LAMA2: variants seen among roughly 807,000 people sequenced by gnomAD.
The protein encoded by LAMA2 is laminin subunit alpha 2.
A neutral mutation model predicts 364.8 loss-of-function variants in LAMA2; 269 were observed. The observed-to-expected ratio is 0.74, with a 90% CI of 0.67 to 0.82. LAMA2 has a LOEUF of 0.82. Ranked by LOEUF, LAMA2 falls within the 40% of genes least tolerant of loss-of-function variation. The pLI, the probability that LAMA2 is intolerant of heterozygous loss-of-function variation, is 0.00. For synonymous variants in LAMA2, 1,379 were observed against 1,370.6 expected, an observed-to-expected ratio of 1.01 and a Z score of -0.14; for missense variants, 3,807 against 3,873.2, an observed-to-expected ratio of 0.98 and a Z score of 0.45.
chr6:128,990,491 A>T (rs1047633528), intron 1 of LAMA2, among the ~76,000 whole-genome samples: 3 of 152,282 alleles, frequency 2.0e-5, no homozygotes, highest in African/African-American at 7.2e-5. Flanking sequence ...TCAACTCCCT[A>T]TTATAATGGA....
rs188355149 is a variant in LAMA2, at chr6:129,422,546, T to G, written c.5866-5206T>G. On this transcript the variant is annotated intron_variant, in intron 40 of 64. Coordinates refer to ENST00000421865, the MANE Select transcript of LAMA2 (RefSeq NM_000426.4). Reference sequence around the variant, plus strand: ...GTGAAATCACTACAACTTCTGCAGATAGTAAAGGATGTTAAGAGGATATTA... The same window carrying G: ...GTGAAATCACTACAACTTCTGCAGAGAGTAAAGGATGTTAAGAGGATATTA... Among the ~76,000 whole-genome samples, 73 of 152,234 alleles carry G rather than the reference T, an allele frequency of 4.8e-4. 3 individuals carry two copies. The East Asian group carries it at 6.8e-3, about 14-fold the overall frequency.
rs1473527176 is a variant in LAMA2 at position 129,152,585 on chromosome 6, G to A, written c.1028-1920G>A. Reference sequence around the variant, plus strand: ...TGAGCTCAGTATTTAGTATGTTTCAGGCATTCTGCTAAGCATTCTCAAAAC... The same window carrying A: ...TGAGCTCAGTATTTAGTATGTTTCAAGCATTCTGCTAAGCATTCTCAAAAC... On this transcript the variant is annotated intron_variant, in intron 7 of 64. Transcript: ENST00000421865. Among the ~76,000 whole-genome samples the A allele has an allele frequency of 2.6e-5, 4 of 152,170 alleles. No individual in the cohort carries two copies. The East Asian group carries it at 7.7e-4, about 29-fold the overall frequency.
chr6:129,464,708 C>A (rs867701533), intron 50 of LAMA2, among the ~76,000 whole-genome samples: 1 of 151,826 alleles, frequency 6.6e-6, no homozygotes, highest in South Asian at 2.1e-4. Flanking sequence ...GCAATACATC[C>A]GGTAATAATT....
chr6:129,455,463 G>A lies in LAMA2; in HGVS notation c.6708-872G>A, dbSNP rs1316325001. Among the ~76,000 whole-genome samples the A allele has an allele frequency of 2.6e-5, 4 of 152,100 alleles. No individual in the cohort carries two copies. In the East Asian group the frequency reaches 7.7e-4, roughly 29 times the overall value. ...AAAGATACATTCTGTTAAAGAAGGTGAACCTTATTTGATAAATTCATTCTT... is the reference window on the plus strand; with the variant it reads ...AAAGATACATTCTGTTAAAGAAGGTAAACCTTATTTGATAAATTCATTCTT... On this transcript the variant is annotated intron_variant, in intron 47 of 64. Coordinates refer to ENST00000421865, the MANE Select transcript of LAMA2 (RefSeq NM_000426.4).
chr6:129,058,241 A>G (rs190263520), intron 2 of LAMA2, among the ~76,000 whole-genome samples: 115 of 152,346 alleles, frequency 7.5e-4, no homozygotes, highest in Middle Eastern at 3.4e-3. Flanking sequence ...TTAGACAAGA[A>G]CCAATGACTG....
chr6:129,154,691 A>C lies in LAMA2; in HGVS notation c.1206+8A>C. The C allele has an allele frequency of 6.2e-7, 1 of 1,610,302 alleles. No homozygotes were observed. Among genetic ancestry groups the C allele is most frequent in the Non-Finnish European group, 8.5e-7 (1 of 1,176,766 alleles). On this transcript the variant is annotated splice_region_variant and intron_variant, in intron 8 of 64. Transcript: ENST00000421865. Reference sequence around the variant, plus strand: ...TTCTTCAGACCCAAAGGGGTAAAGTATGCTTTTTCTTTCATAAAGAGTTAT... The same window carrying C: ...TTCTTCAGACCCAAAGGGGTAAAGTCTGCTTTTTCTTTCATAAAGAGTTAT...
At chr6:129,299,771 G>A (rs1476155977) in intron 21 of LAMA2, among the ~76,000 whole-genome samples, 3 of 152,166 alleles carry the variant, frequency 2.0e-5, no homozygotes, top group African/African-American at 4.8e-5. Flanking sequence ...CACAGCTGGT[G>A]TGTAATGCTG....
At chr6:129,075,951 T>C (rs1317456631) in intron 3 of LAMA2, among the ~76,000 whole-genome samples, 1 of 151,714 alleles carries the variant, frequency 6.6e-6, no homozygotes, top group African/African-American at 2.4e-5. Context: ...AGCAAAAAAT[T>C]AGCCAGGCAT....
Position 129,314,751 on chromosome 6 carries a change from G to A in LAMA2, c.3508G>A (p.Gly1170Ser), listed in dbSNP as rs747246881. The A allele has an allele frequency of 3.3e-5, 54 of 1,613,806 alleles. 1 individual carries two copies. Among genetic ancestry groups the A allele is most frequent in the Middle Eastern group, 1.7e-4 (1 of 5,962 alleles). Residue 1170 changes from glycine (G) to serine (S), a missense_variant, in exon 24 of 65, where the codon GGC (glycine) becomes AGC (serine). Coordinates refer to ENST00000421865, the MANE Select transcript of LAMA2 (RefSeq NM_000426.4). ...TGGCTGCAGCAGCTGCTATTGCTTC[G>A]GCACTACTACCCAGTGCTCTGAAGC... Reference protein sequence around the residue: ...PLGCSSCYCFGTTTQCSEAKG... With the variant: ...PLGCSSCYCFSTTTQCSEAKG...
chr6:128,911,743 A>C (rs1410945379), intron 1 of LAMA2, among the ~76,000 whole-genome samples: 2 of 152,218 alleles, frequency 1.3e-5, no homozygotes, highest in African/African-American at 4.8e-5. Context: ...ATATATACCC[A>C]TATAACCGTC....
chr6:129,474,968 G>C (rs986977935), intron 52 of LAMA2, among the ~76,000 whole-genome samples: 1 of 152,148 alleles, frequency 6.6e-6, no homozygotes, highest in African/African-American at 2.4e-5. Flanking sequence ...CAGGTTCTCA[G>C]TATGACAAAG....
intron 1 of LAMA2, among the ~76,000 whole-genome samples, chr6:128,943,267 CACAGAGAG>C (rs1406293463): frequency 2.2e-5 from 2 of 91,798 alleles, no homozygotes; most frequent in African/African-American, 5.6e-5. Context: ...TGTATATATA[CACAGAGAG>C]AGAGAGAGAG....
intron 9 of LAMA2, among the ~76,000 whole-genome samples, chr6:129,174,029 C>T (rs1345446612): frequency 1.3e-5 from 2 of 151,958 alleles, no homozygotes. Context: ...ATTTCTAGTG[C>T]ACAAACTTCA....
At chr6:128,986,458 A>AT (rs1220438249) in intron 1 of LAMA2, among the ~76,000 whole-genome samples, 2 of 152,196 alleles carry the variant, frequency 1.3e-5, no homozygotes, top group African/African-American at 4.8e-5. Context: ...GAGAAAATAC[A>AT]TTATAGTTTA....
At chr6:129,378,414 G>A (rs888869056) in intron 34 of LAMA2, among the ~76,000 whole-genome samples, 2 of 152,154 alleles carry the variant, frequency 1.3e-5, no homozygotes, top group Admixed American at 6.5e-5. Context: ...CTACCCATAG[G>A]TGATAGTGCA....
intron 22 of LAMA2, among the ~76,000 whole-genome samples, chr6:129,312,225 G>T (rs545946035): frequency 1.3e-5 from 2 of 151,304 alleles, no homozygotes; most frequent in Non-Finnish European, 2.9e-5. Flanking sequence ...AGAGAAAATC[G>T]TGTATACATC....
chr6:129,302,093 A>G (rs1773586921), intron 22 of LAMA2, among the ~76,000 whole-genome samples: 1 of 152,140 alleles, frequency 6.6e-6, no homozygotes, highest in Non-Finnish European at 1.5e-5. Context: ...TGGGGTTACA[A>G]TTTTGCTGTG....
intron 8 of LAMA2, among the ~76,000 whole-genome samples, chr6:129,162,795 C>T (rs1382459391): frequency 6.6e-6 from 1 of 151,400 alleles, no homozygotes; most frequent in Non-Finnish European, 1.5e-5. Flanking sequence ...TGACTCATGG[C>T]CTATATTTGT....
intron 12 of LAMA2, among the ~76,000 whole-genome samples, chr6:129,225,836 A>G (rs1026590526): frequency 2.0e-5 from 3 of 152,024 alleles, no homozygotes; most frequent in East Asian, 3.9e-4. Flanking sequence ...GAGTTCTGCA[A>G]ATGTCTATTA....
Sources: allele counts gnomAD v4.1 joint callset (sites outside exome capture counted in the v4.1 genomes callset), GRCh38; gene constraint gnomAD v4.1.1; transcripts MANE v1.5; gene names NCBI Gene and HGNC (gene_info 2026-07-23, HGNC 2026-07-21).